The following EPHA2 variants were observed in gnomAD, a reference collection of about 807,000 sequenced individuals.
EPHA2 encodes EPH receptor A2, also known as ephrin type-A receptor 2.
In EPHA2, 54 loss-of-function variants were observed where a neutral mutation model predicts 104.9. The ratio of observed to expected loss-of-function variants is 0.51; its 90% confidence interval spans 0.41 to 0.65. EPHA2 has a LOEUF of 0.65. Among genes scored for constraint, EPHA2 ranks in the 30% least tolerant of loss-of-function variants. The pLI is 0.00. For missense variants in EPHA2, 1,117 were observed against 1,369.5 expected, an observed-to-expected ratio of 0.82 and a Z score of 2.91; for synonymous variants, 560 against 559.1, an observed-to-expected ratio of 1.00 and a Z score of -0.02.
chr1:16,137,328 G>A (rs2024731373), intron 5 of EPHA2, among the ~76,000 whole-genome samples: 1 of 151,892 alleles, frequency 6.6e-6, no homozygotes, highest in African/African-American at 2.4e-5. Context: ...GCTGGGCGCA[G>A]TGGCTCACGC....
Position 16,134,239 on chromosome 1 carries a change from C to A in EPHA2, c.1682+229G>T, listed in dbSNP as rs2024636845. On this transcript the variant is annotated intron_variant, in intron 8 of 16. Transcript: ENST00000358432. The surrounding 1 kb of genome is among the most constrained non-coding windows in gnomAD (Gnocchi z 4.5). The stretch of plus-strand genomic sequence containing the variant: ...TGCGTGTCCAGAGGAAGTGTGGACA[C>A]ATCATTAATAACAACAAGAGCAGAG... 2.7e-4 allele frequency among the ~76,000 whole-genome samples: 1 copy of A among 3,704 alleles called. No homozygotes were observed. The highest frequency in any genetic ancestry group is 2.4e-3 in the African/African-American group (1 of 410). The allele number at this position is 3,704 out of a possible 152,430, so 2.4% of individuals were successfully genotyped here. A position where few individuals can be genotyped will look rare whatever the true frequency, so the allele number is the denominator to read the frequency against.
Position 16,156,049 on chromosome 1 carries a change from C to T in EPHA2, c.-117G>A. On this transcript the variant is annotated 5_prime_UTR_variant, in exon 1 of 17. Transcript: ENST00000358432. ...GCCGGCCTGCGCGCAACTTCTGCCC[C>T]TCCTGCCCCGAGTCCTTAATGGAAG... 1.2e-6 allele frequency: 1 copy of T among 816,602 alleles called. No homozygotes were observed. The highest frequency in any genetic ancestry group is 1.7e-6 in the Non-Finnish European group (1 of 574,348). The allele number at this position is 816,602 out of a possible 1,614,324, so 50.6% of individuals were successfully genotyped here.
chr1:16,135,239 G>C lies in EPHA2; in HGVS notation c.1429-50C>G, dbSNP rs940607033. 6.2e-6 allele frequency: 10 copies of C among 1,610,172 alleles called. No homozygotes were observed. In the African/African-American group the frequency reaches 1.3e-4, roughly 22 times the overall value. ...AGCAGGCAGTGAGGGCAGGGCAGGG[G>C]CCTCGGCTCAGCCCGCTGGAGACCA... On this transcript the variant is annotated intron_variant, in intron 6 of 16. Coordinates refer to ENST00000358432, the MANE Select transcript of EPHA2 (RefSeq NM_004431.5). The surrounding 1 kb of genome is among the most constrained non-coding windows in gnomAD (Gnocchi z 4.3).
Position 16,131,204 on chromosome 1 carries a change from C to A in EPHA2, c.2475+517G>T, listed in dbSNP as rs2024563707. Among the ~76,000 whole-genome samples, 3 of 151,984 alleles carry A rather than the reference C, an allele frequency of 2.0e-5. No homozygotes were observed. Among genetic ancestry groups the A allele is most frequent in the Non-Finnish European group, 4.4e-5 (3 of 68,028 alleles). ...TGGACACACGGATACACACGTACAC[C>A]CCACTCCTTTTTTCATCTCTGCACT... On this transcript the variant is annotated intron_variant, in intron 14 of 16. Coordinates refer to ENST00000358432, the MANE Select transcript of EPHA2 (RefSeq NM_004431.5). The surrounding 1 kb of genome is among the most constrained non-coding windows in gnomAD (Gnocchi z 5.2).
At chr1:16,145,291 G>C (rs1259340000) in intron 3 of EPHA2, among the ~76,000 whole-genome samples, 10 of 152,244 alleles carry the variant, frequency 6.6e-5, no homozygotes, top group Non-Finnish European at 1.3e-4. Context: ...GGCAGGGCGG[G>C]GGAACCAAGG....
intron 3 of EPHA2, chr1:16,146,534 C>A (rs1052399978): frequency 2.0e-5 from 3 of 152,320 alleles, no homozygotes; most frequent in Non-Finnish European, 4.4e-5. Context: ...TCCCGGCCCC[C>A]TCAACCGCAC....
At position 16,129,568 on chromosome 1, in the gene EPHA2, G is replaced by A. The variant is rs2024536184; in HGVS notation, c.2691C>T (p.Ser897=). Residue 897 remains serine (S), a synonymous_variant, in exon 16 of 17, where the codon AGC becomes AGT. Coordinates refer to ENST00000358432, the MANE Select transcript of EPHA2 (RefSeq NM_004431.5). ...FDPRVSIRLP[S]TSGSEGVPFR... is the part of the protein sequence containing the mutation. Reference sequence around the variant, plus strand: ...AGGGCACCCCCTCCGAGCCGCTCGTGCTGGGGAGCCGGATAGACACGCTGC... The same window carrying A: ...AGGGCACCCCCTCCGAGCCGCTCGTACTGGGGAGCCGGATAGACACGCTGC... 2 of 1,612,138 alleles carry A rather than the reference G, an allele frequency of 1.2e-6. No individual in the cohort carries two copies. Among genetic ancestry groups the A allele is most frequent in the Non-Finnish European group, 1.7e-6 (2 of 1,179,926 alleles).
chr1:16,137,132 G>C (rs942484321), intron 5 of EPHA2, among the ~76,000 whole-genome samples: 5 of 152,122 alleles, frequency 3.3e-5, no homozygotes, highest in Admixed American at 6.5e-5. Context: ...CTTTACAGGG[G>C]AGAACATTGA....
chr1:16,125,095 C>A lies in EPHA2; in HGVS notation c.*120G>T. ...ATCCGAGACCCCTCAGCGGAAGTTG[C>A]AGGGGGAGGAAAGAACTAGAAATAA... On this transcript the variant is annotated 3_prime_UTR_variant, in exon 17 of 17. Transcript: ENST00000358432. This position sits in a 1 kb window ranked among gnomAD's most constrained non-coding sequence, Gnocchi z 4.9. 1.1e-6 allele frequency: 1 copy of A among 929,900 alleles called. No individual in the cohort carries two copies. Among genetic ancestry groups the A allele is most frequent in the East Asian group, 2.7e-5 (1 of 37,716 alleles). The allele number at this position is 929,900 out of a possible 1,614,324, so 57.6% of individuals were successfully genotyped here.
At chr1:16,144,236 G>T (rs2024886019) in intron 3 of EPHA2, among the ~76,000 whole-genome samples, 1 of 152,200 alleles carries the variant, frequency 6.6e-6, no homozygotes, top group Non-Finnish European at 1.5e-5. Context: ...GGCAGACAGG[G>T]CACAGAGGTG....
chr1:16,135,611 G>A lies in EPHA2; in HGVS notation c.1428+44C>T. 1 of 1,563,382 alleles carries A rather than the reference G, an allele frequency of 6.4e-7. No homozygotes were observed. The highest frequency in any genetic ancestry group is 8.8e-7 in the Non-Finnish European group (1 of 1,134,082). ...CATCTATGTGACCAGCCTGTCCCCT[G>A]CTGTCGGCCCAGCTAGAGCCAGCCC... is the stretch of plus-strand genomic sequence containing the variant. On this transcript the variant is annotated intron_variant, in intron 6 of 16. Coordinates refer to ENST00000358432, the MANE Select transcript of EPHA2 (RefSeq NM_004431.5). This position sits in a 1 kb window ranked among gnomAD's most constrained non-coding sequence, Gnocchi z 4.3.
At chr1:16,151,515 G>A (rs1360082107) in intron 1 of EPHA2, among the ~76,000 whole-genome samples, 1 of 152,128 alleles carries the variant, frequency 6.6e-6, no homozygotes, top group Non-Finnish European at 1.5e-5. Flanking sequence ...TGCATCTTGC[G>A]GTACTCCAAG....
At chr1:16,154,940 G>A (rs920600668) in intron 1 of EPHA2, among the ~76,000 whole-genome samples, 14 of 152,046 alleles carry the variant, frequency 9.2e-5, no homozygotes, top group African/African-American at 1.4e-4. Flanking sequence ...GGCCAGGGCA[G>A]GAGCCCCCAT....
chr1:16,142,191 GC>G (rs2024835726), intron 3 of EPHA2, among the ~76,000 whole-genome samples: 1 of 152,144 alleles, frequency 6.6e-6, no homozygotes, highest in Admixed American at 6.5e-5. Context: ...CCAATTCCTG[GC>G]CCCCCGGCCC....
rs997383349 is a variant in EPHA2, at chr1:16,128,797, G to T, written c.2825+637C>A. 6.6e-6 allele frequency among the ~76,000 whole-genome samples: 1 copy of T among 152,188 alleles called. No homozygotes were observed. Among genetic ancestry groups the T allele is most frequent in the African/African-American group, 2.4e-5 (1 of 41,448 alleles). On this transcript the variant is annotated intron_variant, in intron 16 of 16. Coordinates refer to ENST00000358432, the MANE Select transcript of EPHA2 (RefSeq NM_004431.5). This position sits in a 1 kb window ranked among gnomAD's most constrained non-coding sequence, Gnocchi z 4.7. Reference sequence around the variant, plus strand: ...GAGAGTAAGTGGCACTTCTCACCAGGTGGGACTGCAGGCTGAGAGCCAACC... The same window carrying T: ...GAGAGTAAGTGGCACTTCTCACCAGTTGGGACTGCAGGCTGAGAGCCAACC...
At position 16,149,503 on chromosome 1, in the gene EPHA2, T is replaced by G. The variant is rs1186636302; in HGVS notation, c.154-456A>C. 2.6e-5 allele frequency among the ~76,000 whole-genome samples: 4 copies of G among 152,338 alleles called. No individual in the cohort carries two copies. In the East Asian group the frequency reaches 7.7e-4, roughly 29 times the overall value. Reference sequence around the variant, plus strand: ...TTGTTACTCTTGGTATTATTCACCATGCACCCATGTGTGTTGGCAAACGCA... The same window carrying G: ...TTGTTACTCTTGGTATTATTCACCAGGCACCCATGTGTGTTGGCAAACGCA... On this transcript the variant is annotated intron_variant, in intron 2 of 16. Coordinates refer to ENST00000358432, the MANE Select transcript of EPHA2 (RefSeq NM_004431.5).
chr1:16,144,976 T>C (rs1339360921), intron 3 of EPHA2, among the ~76,000 whole-genome samples: 4 of 152,128 alleles, frequency 2.6e-5, no homozygotes, highest in Admixed American at 1.3e-4. Flanking sequence ...TAGGGGATCA[T>C]GAAACTACAG....
At chr1:16,146,724 G>A (rs1346465096) in intron 3 of EPHA2, among the ~76,000 whole-genome samples, 4 of 152,334 alleles carry the variant, frequency 2.6e-5, no homozygotes, top group African/African-American at 9.6e-5. Context: ...TCATCGGGGG[G>A]TTTACAGACC....
chr1:16,145,344 G>A (rs972681795), intron 3 of EPHA2, among the ~76,000 whole-genome samples: 1 of 152,246 alleles, frequency 6.6e-6, no homozygotes, highest in Non-Finnish European at 1.5e-5. Context: ...AGCGCTCCGG[G>A]CAGCGTGCCC....
Sources: gnomAD v4.1 joint callset for allele counts (sites outside exome capture counted in the v4.1 genomes callset) on GRCh38, gnomAD v4.1.1 for gene constraint, Gnocchi (gnomAD v3.1) non-coding constraint, MANE v1.5 for transcripts, NCBI Gene and HGNC (gene_info 2026-07-23, HGNC 2026-07-21) for gene names.